NUSAP1: variants seen among roughly 807,000 people sequenced by gnomAD.
NUSAP1 encodes the protein nucleolar and spindle associated protein 1, also known as nucleolar and spindle-associated protein 1.
NUSAP1 carries 32 observed loss-of-function variants against 52.8 expected under a neutral mutation model. That is an observed-to-expected ratio of 0.61 (90% CI 0.46 to 0.81). The LOEUF (loss-of-function observed/expected upper bound fraction) is 0.81. NUSAP1 is among the 40% of genes least tolerant of loss of function. The pLI is 0.00. For missense variants in NUSAP1, 499 were observed against 522.3 expected (o/e 0.96, Z 0.43); for synonymous variants, 195 against 183.1 (o/e 1.06, Z -0.52).
intron 2 of NUSAP1, chr15:41,345,627 T>C (rs1173121308): frequency 3.4e-6 from 1 of 290,824 alleles, no homozygotes; most frequent in Non-Finnish European, 6.7e-6. Context: ...ACCCGGATAA[T>C]TGTGTATTTT....
intron 1 of NUSAP1, among the ~76,000 whole-genome samples, chr15:41,334,460 G>A (rs1307527073): frequency 2.6e-5 from 4 of 152,186 alleles, no homozygotes; most frequent in Non-Finnish European, 5.9e-5. Flanking sequence ...GCCTGTTGGG[G>A]CTGAATGACC....
intron 6 of NUSAP1, 124 bp from the exon 7 acceptor site, chr15:41,365,278 T>C (rs1435479659): frequency 1.4e-6 from 1 of 696,096 alleles, no homozygotes; most frequent in Admixed American, 3.2e-5. Context: ...CGCCTCAGCC[T>C]CCTGAGTAGC....
intron 2 of NUSAP1, among the ~76,000 whole-genome samples, chr15:41,346,480 A>AT: frequency 6.6e-6 from 1 of 151,650 alleles, no homozygotes; most frequent in South Asian, 2.1e-4. Context: ...TTTTTAAGAA[A>AT]TTTTTTTTGT....
At chr15:41,355,418 G>A (rs187325584) in intron 4 of NUSAP1, among the ~76,000 whole-genome samples, 24 of 150,386 alleles carry the variant, frequency 1.6e-4, no homozygotes, top group African/African-American at 4.1e-4. Context: ...TGATCCACCC[G>A]CCTCGGCCTC....
At chr15:41,364,433 C>T (rs887775906) in intron 6 of NUSAP1, among the ~76,000 whole-genome samples, 2 of 151,872 alleles carry the variant, frequency 1.3e-5, no homozygotes, top group Non-Finnish European at 2.9e-5. Flanking sequence ...GTAGTCCCAG[C>T]TATTTGGGAG....
intron 6 of NUSAP1, among the ~76,000 whole-genome samples, chr15:41,365,199 G>A (rs1262168079): frequency 3.3e-5 from 5 of 152,082 alleles, no homozygotes; most frequent in African/African-American, 9.7e-5. Context: ...ATGTAGTCTC[G>A]CTCTGTTGCC....
At chr15:41,337,937 T>TC (rs2048223265) in intron 1 of NUSAP1, among the ~76,000 whole-genome samples, 2 of 141,804 alleles carry the variant, frequency 1.4e-5, no homozygotes, top group Admixed American at 6.9e-5. Flanking sequence ...TTTTCTTTTT[T>TC]TTTTTTTTTT....
intron 1 of NUSAP1, among the ~76,000 whole-genome samples, chr15:41,341,548 G>A (rs533071215): frequency 2.0e-5 from 3 of 152,198 alleles, no homozygotes; most frequent in African/African-American, 4.8e-5. Flanking sequence ...CTTAGGGACC[G>A]TACCACACTT....
intron 8 of NUSAP1, among the ~76,000 whole-genome samples, chr15:41,372,248 T>C (rs565426893): frequency 2.1e-4 from 32 of 152,066 alleles, no homozygotes; most frequent in African/African-American, 7.5e-4. Context: ...ACTGTGCCCC[T>C]TGTGGGACTC....
intron 2 of NUSAP1, among the ~76,000 whole-genome samples, chr15:41,347,484 A>G (rs2048618017): frequency 1.3e-5 from 2 of 152,202 alleles, no homozygotes; most frequent in African/African-American, 4.8e-5. Context: ...CTGCACACTC[A>G]AGCTCCTAAT....
chr15:41,355,062 C>G (rs143222773), intron 4 of NUSAP1, among the ~76,000 whole-genome samples: 2,758 of 152,000 alleles, frequency 0.018, 75 homozygotes, highest in African/African-American at 0.056. Flanking sequence ...GTTGCCCAGG[C>G]TCGTCTCAAA....
Position 41,377,230 on chromosome 15 carries a change from T to C in NUSAP1, c.1158T>C (p.Asn386=), listed in dbSNP as rs535069653. ...KLKPWGQSKE[N]NYLNQHVNRI... is the part of the protein sequence containing the mutation. ...AACCATGGGGGCAATCTAAAGAAAA[T>C]AATTATCTAAATCAACATGTCAACA... is the stretch of plus-strand genomic sequence containing the variant. The change falls in exon 10 of 11, where the codon AAT becomes AAC. Residue 386 remains asparagine, a synonymous_variant. Coordinates refer to ENST00000559596, the MANE Select transcript of NUSAP1 (RefSeq NM_016359.5). 1.3e-6 allele frequency: 2 copies of C among 1,536,566 alleles called. No individual in the cohort carries two copies. The highest frequency in any genetic ancestry group is 1.8e-6 in the Non-Finnish European group (2 of 1,138,528).
At chr15:41,373,213 G>A (rs1199242498) in intron 8 of NUSAP1, among the ~76,000 whole-genome samples, 1 of 151,834 alleles carries the variant, frequency 6.6e-6, no homozygotes, top group Non-Finnish European at 1.5e-5. Context: ...GGCCAACATG[G>A]CAAAACCTCG....
chr15:41,356,239 A>T (rs2048965319), intron 5 of NUSAP1, 99 bp downstream of exon 5: 1 of 727,430 alleles, frequency 1.4e-6, no homozygotes, highest in South Asian at 1.6e-5. Context: ...GAACCAGTTT[A>T]CATTCTAGTT....
intron 2 of NUSAP1, among the ~76,000 whole-genome samples, chr15:41,346,200 C>G (rs1468425960): frequency 6.6e-6 from 1 of 152,032 alleles, no homozygotes; most frequent in Admixed American, 6.6e-5. Context: ...CTTGGCCTCC[C>G]AAAGTCCTGG....
chr15:41,367,521 C>G (rs1427980666), intron 7 of NUSAP1, among the ~76,000 whole-genome samples: 1 of 152,144 alleles, frequency 6.6e-6, no homozygotes, highest in Admixed American at 6.6e-5. Flanking sequence ...CAGTGCACTC[C>G]AGAAGTGGCT....
At chr15:41,354,436 C>T (rs1336588152) in intron 4 of NUSAP1, among the ~76,000 whole-genome samples, 2 of 151,990 alleles carry the variant, frequency 1.3e-5, no homozygotes, top group Admixed American at 1.3e-4. Flanking sequence ...ACCCTGGAGG[C>T]AGAGGTTGCA....
At position 41,337,006 on chromosome 15, in the gene NUSAP1, T is replaced by C. The variant is rs1336863844; in HGVS notation, c.93+3956T>C. ...TTTTTTTCCTTTCCTTTTCTTTTTT[T>C]TTTTTTTTTTTTTTTTTTGAGACAG... On this transcript the variant is annotated intron_variant, in intron 1 of 10. Coordinates refer to ENST00000559596, the MANE Select transcript of NUSAP1 (RefSeq NM_016359.5). Among the ~76,000 whole-genome samples, 24 of 132,918 alleles carry C rather than the reference T, an allele frequency of 1.8e-4. No homozygotes were observed. The South Asian group carries it at 2.4e-3, about 13-fold the overall frequency. 87.2% of individuals were successfully genotyped at this position (132,918 alleles called of 152,430 possible). A position where few individuals can be genotyped will look rare whatever the true frequency, so the allele number is the denominator to read the frequency against.
At position 41,333,004 on chromosome 15, in the gene NUSAP1, A is replaced by T; in HGVS notation, c.47A>T (p.Asp16Val). Residue 16 changes from aspartate (D) to valine (V), a missense_variant, in exon 1 of 11, where the codon GAC becomes GTC. By Grantham distance (152) the Asp-to-Val change is radical. Transcript: ENST00000559596. Reference protein sequence around the residue: ...LEELDSLKYSDLQNLAKSLGL... With the variant: ...LEELDSLKYSVLQNLAKSLGL... ...GAGCTGGACTCCCTCAAGTACAGTGACCTGCAGAACTTAGCCAAGAGTCTG... is the reference window on the plus strand; with the variant it reads ...GAGCTGGACTCCCTCAAGTACAGTGTCCTGCAGAACTTAGCCAAGAGTCTG... 1 of 1,612,210 alleles carries T rather than the reference A, an allele frequency of 6.2e-7. No individual in the cohort carries two copies. Among genetic ancestry groups the T allele is most frequent in the Non-Finnish European group, 8.5e-7 (1 of 1,179,156 alleles).
Sources: allele counts gnomAD v4.1 joint callset (sites outside exome capture counted in the v4.1 genomes callset), GRCh38; gene constraint gnomAD v4.1.1; transcripts MANE v1.5; gene names NCBI Gene and HGNC (gene_info 2026-07-23, HGNC 2026-07-21).